LEPR: variants seen among roughly 807,000 people sequenced by gnomAD.
LEPR encodes the protein OB receptor.
LEPR carries 56 observed loss-of-function variants against 114.7 expected under a neutral mutation model. The ratio of observed to expected loss-of-function variants is 0.49; its 90% confidence interval spans 0.39 to 0.61. The LOEUF is 0.61. Ranked by LOEUF, LEPR falls within the 20% of genes least tolerant of loss-of-function variation. The pLI is 0.00. For missense variants in LEPR, 1,202 were observed against 1,352.9 expected (o/e 0.89, Z 1.75); for synonymous variants, 443 against 461.4 (o/e 0.96, Z 0.51).
At chr1:65,544,228 T>A (rs1355592277) in intron 2 of LEPR, among the ~76,000 whole-genome samples, 1 of 151,992 alleles carries the variant, frequency 6.6e-6, no homozygotes, top group African/African-American at 2.4e-5. Flanking sequence ...TCACTCATGA[T>A]TTGGTGCTCT....
In LEPR at chr1:65,609,905, G is replaced by A. The variant is rs780821397; in HGVS notation, c.1753-42G>A. 2.5e-6 allele frequency: 4 copies of A among 1,613,650 alleles called. No homozygotes were observed. In the South Asian group the frequency reaches 4.4e-5, roughly 18 times the overall value. ...ACTTCAGGGCCCTTTAGATACATATGTGTTGGTAATGATCAATCTAATGCT... is the reference window on the plus strand; with the variant it reads ...ACTTCAGGGCCCTTTAGATACATATATGTTGGTAATGATCAATCTAATGCT... On this transcript the variant is annotated intron_variant, in intron 12 of 19. Transcript: ENST00000349533.
rs757574299 is a variant in LEPR, at chr1:65,570,511, C to G, written c.79C>G (p.Pro27Ala). ...YVITAFNLSY[P>A]ITPWRFKLSC... ...GATAACTGCGTTTAACTTGTCATAT[C>G]CAATTACTCCTTGGAGATTTAAGTT... is the stretch of plus-strand genomic sequence containing the variant. The change falls in exon 4 of 20, where the codon CCA (proline) becomes GCA (alanine). Residue 27 changes from proline to alanine, a missense_variant. Physicochemically the swap from Pro to Ala is conservative, Grantham distance 27 (BLOSUM62 -1). Coordinates refer to ENST00000349533, the MANE Select transcript of LEPR (RefSeq NM_002303.6). 16 of 1,613,698 alleles carry G rather than the reference C, an allele frequency of 9.9e-6. No homozygotes were observed. Among genetic ancestry groups the G allele is most frequent in the South Asian group, 2.2e-5 (2 of 91,030 alleles).
At chr1:65,473,520 G>T (rs1340713060) in intron 2 of LEPR, among the ~76,000 whole-genome samples, 1 of 152,152 alleles carries the variant, frequency 6.6e-6, no homozygotes, top group East Asian at 1.9e-4. Context: ...AGACTTCCTT[G>T]AATCTTTTAA....
At chr1:65,520,215 G>T (rs1470730366) in intron 2 of LEPR, among the ~76,000 whole-genome samples, 1 of 152,084 alleles carries the variant, frequency 6.6e-6, no homozygotes, top group Non-Finnish European at 1.5e-5. Context: ...GGCTGGTCTT[G>T]AACTCCTAGG....
chr1:65,592,355 C>T (rs540589188), intron 5 of LEPR, among the ~76,000 whole-genome samples: 1 of 149,708 alleles, frequency 6.7e-6, no homozygotes, highest in African/African-American at 2.4e-5. Context: ...AAAAAAAAGC[C>T]TTTATTTCAT....
At chr1:65,602,037 T>A in intron 10 of LEPR, 77 bp downstream of exon 10, 1 of 1,203,998 alleles carries the variant, frequency 8.3e-7, no homozygotes, top group Non-Finnish European at 1.2e-6. Flanking sequence ...ATTACAACAG[T>A]AGTCTTACAG....
At chr1:65,436,568 C>T (rs1646565707) in intron 2 of LEPR, among the ~76,000 whole-genome samples, 1 of 152,000 alleles carries the variant, frequency 6.6e-6, no homozygotes, top group African/African-American at 2.4e-5. Context: ...ATAAAATGGC[C>T]ATAAGAAAAG....
At chr1:65,554,093 G>A (rs1338064650) in intron 2 of LEPR, among the ~76,000 whole-genome samples, 2 of 152,132 alleles carry the variant, frequency 1.3e-5, no homozygotes, top group Admixed American at 1.3e-4. Context: ...CGTCCCAGAG[G>A]GGTACCCACC....
chr1:65,520,327 T>A (rs1250307330), intron 2 of LEPR, among the ~76,000 whole-genome samples: 1 of 152,158 alleles, frequency 6.6e-6, no homozygotes, highest in Non-Finnish European at 1.5e-5. Flanking sequence ...TACCCACCAG[T>A]GGCGTCTGTA....
chr1:65,622,807 A>T, intron 18 of LEPR, 99 bp from the exon 19 acceptor site: 1 of 1,263,674 alleles, frequency 7.9e-7, no homozygotes, highest in Admixed American at 1.9e-5. Context: ...GGCATAGTTG[A>T]TCTGGTGGAC....
At chr1:65,593,517 A>G (rs1448076749) in intron 6 of LEPR, among the ~76,000 whole-genome samples, 1 of 152,140 alleles carries the variant, frequency 6.6e-6, no homozygotes, top group Non-Finnish European at 1.5e-5. Flanking sequence ...TCATTTAATT[A>G]TGTATAATTT....
At chr1:65,589,897 A>G (rs1443822936) in intron 5 of LEPR, among the ~76,000 whole-genome samples, 1 of 152,020 alleles carries the variant, frequency 6.6e-6, no homozygotes, top group South Asian at 2.1e-4. Flanking sequence ...TGTTTTGGCT[A>G]TTCTAGATTC....
chr1:65,470,558 C>A (rs1647070738), intron 2 of LEPR, among the ~76,000 whole-genome samples: 1 of 152,122 alleles, frequency 6.6e-6, no homozygotes, highest in South Asian at 2.1e-4. Context: ...CCTAGTGGGG[C>A]CCTTCCCAAA....
At position 65,572,370 on chromosome 1, in the gene LEPR, T is replaced by C; in HGVS notation, c.415T>C (p.Leu139=). The change falls in exon 5 of 20, where the codon TTA becomes CTA. Residue 139 remains leucine, a synonymous_variant. Coordinates refer to ENST00000349533, the MANE Select transcript of LEPR (RefSeq NM_002303.6). The stretch of plus-strand genomic sequence containing the variant: ...GTGCTGGCTAAAAGGAGACTTAAAA[T>C]TATTCATCTGTTATGTGGAGTCATT... ...IQCWLKGDLK[L]FICYVESLFK... is the part of the protein sequence containing the mutation. 6.5e-7 allele frequency: 1 copy of C among 1,538,538 alleles called. No individual in the cohort carries two copies. Among genetic ancestry groups the C allele is most frequent in the Non-Finnish European group, 8.8e-7 (1 of 1,134,970 alleles).
At chr1:65,422,825 C>T (rs1402188503) in intron 1 of LEPR, among the ~76,000 whole-genome samples, 1 of 152,194 alleles carries the variant, frequency 6.6e-6, no homozygotes, top group Non-Finnish European at 1.5e-5. Context: ...TGGTGAGCCT[C>T]CGTGCCAGAA....
intron 2 of LEPR, among the ~76,000 whole-genome samples, chr1:65,535,752 T>C (rs1384776945): frequency 6.6e-6 from 1 of 152,162 alleles, no homozygotes; most frequent in Non-Finnish European, 1.5e-5. Context: ...TTAATAGGAT[T>C]CTAAACTTGC....
At chr1:65,454,003 T>C (rs1335233518) in intron 2 of LEPR, among the ~76,000 whole-genome samples, 2 of 151,688 alleles carry the variant, frequency 1.3e-5, no homozygotes, top group African/African-American at 4.9e-5. Flanking sequence ...TAGTTAGCTC[T>C]TCTTGTTGAA....
chr1:65,518,855 TTTTCTTTCTTTCTTTCTTTTTCTTTC>T lies in LEPR; in HGVS notation c.-20-46671_-20-46646del, dbSNP rs1478047162. ...AGCTTTTTTCTTTTTTCTTTTTCTC[TTTTCTTTCTTTCTTTCTTTTTCTTTC>T]TTTCTTTCTTTCTTTCTTTCTTTCT... On this transcript the variant is annotated intron_variant, in intron 2 of 19. Transcript: ENST00000349533. 5.1e-4 allele frequency among the ~76,000 whole-genome samples: 74 copies of T among 144,540 alleles called. 1 individual carries two copies. The highest frequency in any genetic ancestry group is 1.1e-3 in the South Asian group (5 of 4,436). The allele number at this position is 144,540 out of a possible 152,430, so 94.8% of individuals were successfully genotyped here. A position where few individuals can be genotyped will look rare whatever the true frequency, so the allele number is the denominator to read the frequency against.
rs530273613 is a variant in LEPR, at chr1:65,470,271, T to C, written c.-21+44893T>C. ...TACCTCACCACCATCACCAAGGAGA[T>C]CAAGTATCATTTCTAGGATTTATGG... is the stretch of plus-strand genomic sequence containing the variant. On this transcript the variant is annotated intron_variant, in intron 2 of 19. Transcript: ENST00000349533. Among the ~76,000 whole-genome samples, 10 of 152,270 alleles carry C rather than the reference T, an allele frequency of 6.6e-5. No homozygotes were observed. In the East Asian group the frequency reaches 1.9e-3, roughly 29 times the overall value.
Sources: gnomAD v4.1 joint callset for allele counts (sites outside exome capture counted in the v4.1 genomes callset) on GRCh38, gnomAD v4.1.1 for gene constraint, MANE v1.5 for transcripts, NCBI Gene and HGNC (gene_info 2026-07-23, HGNC 2026-07-21) for gene names.